SNTG1: variants seen among roughly 807,000 people sequenced by gnomAD.
SNTG1 encodes gamma-1-syntrophin.
Under a neutral mutation model 74.7 loss-of-function variants are expected in SNTG1, and 39 were observed. The observed-to-expected ratio is 0.52, with a 90% CI of 0.40 to 0.68. SNTG1 has a LOEUF of 0.68. Among genes scored for constraint, SNTG1 ranks in the 30% least tolerant of loss-of-function variants. The pLI is 0.00. For synonymous variants in SNTG1, 254 were observed against 217.1 expected (o/e 1.17, Z -1.49); for missense variants, 685 against 609.5 (o/e 1.12, Z -1.30).
At chr8:50,055,509 C>T (rs912018520) in intron 1 of SNTG1, among the ~76,000 whole-genome samples, 5 of 152,098 alleles carry the variant, frequency 3.3e-5, no homozygotes, top group African/African-American at 4.8e-5. Flanking sequence ...TGCTGGAATG[C>T]GTGGGGCAGG....
At chr8:50,039,463 A>AAAC (rs1818446870) in intron 1 of SNTG1, among the ~76,000 whole-genome samples, 1 of 149,442 alleles carries the variant, frequency 6.7e-6, no homozygotes, top group African/African-American at 2.5e-5. Context: ...TCAAAAAAAA[A>AAAC]AAAAAAAAAA....
chr8:49,994,021 A>T (rs1426379933), intron 1 of SNTG1, among the ~76,000 whole-genome samples: 1 of 152,114 alleles, frequency 6.6e-6, no homozygotes, highest in Non-Finnish European at 1.5e-5. Flanking sequence ...GTCCCTCAGG[A>T]TATCCATTAT....
chr8:50,325,961 C>G (rs1330775604), intron 2 of SNTG1, among the ~76,000 whole-genome samples: 3 of 151,604 alleles, frequency 2.0e-5, no homozygotes, highest in Non-Finnish European at 4.4e-5. Flanking sequence ...TTTTATCATA[C>G]TTTTTTTTGT....
intron 13 of SNTG1, among the ~76,000 whole-genome samples, chr8:50,651,405 T>G (rs549220195): frequency 6.6e-6 from 1 of 152,158 alleles, no homozygotes; most frequent in African/African-American, 2.4e-5. Context: ...CCCTCAAGTT[T>G]GATATTTCAT....
chr8:50,068,000 C>T (rs959065224), intron 1 of SNTG1, among the ~76,000 whole-genome samples: 1 of 152,144 alleles, frequency 6.6e-6, no homozygotes, highest in African/African-American at 2.4e-5. Flanking sequence ...CACACCCAAA[C>T]ATTCCAGTAA....
chr8:50,094,719 G>T (rs187518124), intron 1 of SNTG1, among the ~76,000 whole-genome samples: 1 of 152,064 alleles, frequency 6.6e-6, no homozygotes, highest in Non-Finnish European at 1.5e-5. Context: ...CACTTATAAT[G>T]TTGGTAGGAG....
At chr8:50,708,505 A>C (rs779003137) in intron 16 of SNTG1, 98 of 171,856 alleles carry the variant, frequency 5.7e-4, no homozygotes, top group Non-Finnish European at 1.1e-3. Flanking sequence ...GTTCTCTTTT[A>C]GTTTAATGAA....
chr8:50,013,505 AGAG>A (rs1816024761), intron 1 of SNTG1, among the ~76,000 whole-genome samples: 1 of 151,602 alleles, frequency 6.6e-6, no homozygotes, highest in African/African-American at 2.4e-5. Context: ...ATAGATAGAT[AGAG>A]ATATATATGT....
chr8:50,639,318 T>A (rs1348250065), intron 13 of SNTG1, among the ~76,000 whole-genome samples: 1 of 151,996 alleles, frequency 6.6e-6, no homozygotes, highest in East Asian at 1.9e-4. Context: ...TTGTGACTAA[T>A]GCCTCACTAT....
intron 1 of SNTG1, among the ~76,000 whole-genome samples, chr8:50,003,255 C>T (rs1028055731): frequency 6.6e-5 from 10 of 152,244 alleles, no homozygotes; most frequent in South Asian, 2.1e-4. Flanking sequence ...AAAATTGTCT[C>T]ACTATAACTG....
chr8:49,929,169 A>G (rs1181934971), intron 1 of SNTG1, among the ~76,000 whole-genome samples: 1 of 152,226 alleles, frequency 6.6e-6, no homozygotes, highest in African/African-American at 2.4e-5. Context: ...TAGTATATTG[A>G]CAACCACTTC....
chr8:50,738,297 A>G (rs749381890), intron 17 of SNTG1, among the ~76,000 whole-genome samples: 5 of 151,926 alleles, frequency 3.3e-5, no homozygotes, highest in Admixed American at 6.6e-5. Flanking sequence ...CATGAGTGAA[A>G]TTTTATTCAC....
chr8:50,774,873 T>C (rs28398382), intron 18 of SNTG1, among the ~76,000 whole-genome samples: 5,485 of 151,514 alleles, frequency 0.036, 271 homozygotes, highest in African/African-American at 0.1. Flanking sequence ...GTTGTCATTG[T>C]TCTGAACTAG....
intron 8 of SNTG1, among the ~76,000 whole-genome samples, chr8:50,483,657 A>C (rs534565467): frequency 6.6e-6 from 1 of 152,338 alleles, no homozygotes; most frequent in East Asian, 1.9e-4. Flanking sequence ...AGTATATGGC[A>C]GGGAACAGTG....
intron 13 of SNTG1, among the ~76,000 whole-genome samples, chr8:50,624,255 A>G (rs938069338): frequency 6.6e-6 from 1 of 152,040 alleles, no homozygotes; most frequent in East Asian, 1.9e-4. Flanking sequence ...AATGCCTCTC[A>G]CTAGAATTCA....
intron 1 of SNTG1, among the ~76,000 whole-genome samples, chr8:50,024,173 T>C (rs1817062827): frequency 6.6e-6 from 1 of 152,184 alleles, no homozygotes; most frequent in South Asian, 2.1e-4. Context: ...ATGTCTACTC[T>C]ATATCCCAAC....
At chr8:49,964,720 A>G (rs1339313709) in intron 1 of SNTG1, among the ~76,000 whole-genome samples, 1 of 152,054 alleles carries the variant, frequency 6.6e-6, no homozygotes, top group Admixed American at 6.6e-5. Flanking sequence ...TCATTTCTAC[A>G]TTTTTATTCT....
chr8:49,939,630 A>G (rs1011729832), intron 1 of SNTG1, among the ~76,000 whole-genome samples: 12 of 152,176 alleles, frequency 7.9e-5, no homozygotes, highest in Non-Finnish European at 1.8e-4. Context: ...AATTCCTGCT[A>G]TGTCTTTTGA....
At chr8:50,701,328 A>G (rs2095422821) in intron 15 of SNTG1, among the ~76,000 whole-genome samples, 1 of 152,196 alleles carries the variant, frequency 6.6e-6, no homozygotes, top group Non-Finnish European at 1.5e-5. Flanking sequence ...ACTGTGTTCA[A>G]GTCCAAAATT....
Sources: allele counts gnomAD v4.1 joint callset (sites outside exome capture counted in the v4.1 genomes callset), GRCh38; gene constraint gnomAD v4.1.1; transcripts MANE v1.5; gene names NCBI Gene and HGNC (gene_info 2026-07-23, HGNC 2026-07-21).